Variants in BMERB1 observed in about 807,000 individuals in gnomAD.
The protein encoded by BMERB1 is bMERB domain containing 1.
Under a neutral mutation model 23.6 loss-of-function variants are expected in BMERB1, and 12 were observed. That is an observed-to-expected ratio of 0.51 (90% CI 0.33 to 0.82). The LOEUF is 0.82. BMERB1 is among the 40% of genes least tolerant of loss of function. The pLI, the probability that BMERB1 is intolerant of heterozygous loss-of-function variation, is 0.03. For synonymous variants in BMERB1, 122 were observed against 96.6 expected (o/e 1.26, Z -1.54); for missense variants, 247 against 255.4 (o/e 0.97, Z 0.22).
intron 2 of BMERB1, among the ~76,000 whole-genome samples, chr16:15,542,927 C>G (rs1302932252): frequency 6.6e-6 from 1 of 152,086 alleles, no homozygotes; most frequent in Non-Finnish European, 1.5e-5. Flanking sequence ...AATTAATACT[C>G]TTTTAGCAGT....
chr16:15,438,735 C>T (rs2050910574), intron 1 of BMERB1, among the ~76,000 whole-genome samples: 1 of 152,198 alleles, frequency 6.6e-6, no homozygotes, highest in African/African-American at 2.4e-5. Context: ...GCCGTGATTA[C>T]AGATGTGAGC....
intron 2 of BMERB1, among the ~76,000 whole-genome samples, chr16:15,540,189 G>A (rs1231229213): frequency 6.6e-6 from 1 of 151,850 alleles, no homozygotes; most frequent in Non-Finnish European, 1.5e-5. Flanking sequence ...AACAATATTA[G>A]GTTTGCATTT....
intron 3 of BMERB1, among the ~76,000 whole-genome samples, chr16:15,573,212 T>C (rs759725552): frequency 6.6e-6 from 1 of 152,192 alleles, no homozygotes; most frequent in Non-Finnish European, 1.5e-5. Flanking sequence ...AGCTAATGCT[T>C]CAAGCCTGAC....
chr16:15,509,415 C>T (rs2051633059), intron 1 of BMERB1, among the ~76,000 whole-genome samples: 1 of 152,076 alleles, frequency 6.6e-6, no homozygotes, highest in Non-Finnish European at 1.5e-5. Context: ...GAACAAGTCA[C>T]TTTCCTTCTC....
chr16:15,482,540 C>T (rs1320960143), intron 1 of BMERB1, among the ~76,000 whole-genome samples: 1 of 152,060 alleles, frequency 6.6e-6, no homozygotes, highest in Admixed American at 6.6e-5. Context: ...CAGCTGGTTA[C>T]TTTCCATGCA....
At chr16:15,520,689 G>A (rs562566082) in intron 2 of BMERB1, among the ~76,000 whole-genome samples, 2 of 151,926 alleles carry the variant, frequency 1.3e-5, no homozygotes, top group African/African-American at 2.4e-5. Context: ...GGGTTTCACC[G>A]TGTTAGCCAG....
At chr16:15,456,957 C>T (rs946344254) in intron 1 of BMERB1, among the ~76,000 whole-genome samples, 5 of 152,116 alleles carry the variant, frequency 3.3e-5, no homozygotes, top group Non-Finnish European at 5.9e-5. Flanking sequence ...TCCCGAGTAC[C>T]TGGGATTACA....
intron 1 of BMERB1, among the ~76,000 whole-genome samples, chr16:15,510,044 A>T (rs1287039479): frequency 6.6e-6 from 1 of 152,154 alleles, no homozygotes; most frequent in Non-Finnish European, 1.5e-5. Context: ...TTTTGCACCA[A>T]CCTAATACTA....
chr16:15,576,175 C>G (rs1053782863), intron 3 of BMERB1, among the ~76,000 whole-genome samples: 2 of 151,834 alleles, frequency 1.3e-5, no homozygotes, highest in Admixed American at 6.6e-5. Flanking sequence ...TCCTGAGTAG[C>G]TGGGACTACA....
At chr16:15,521,341 A>G (rs1567482847) in intron 2 of BMERB1, among the ~76,000 whole-genome samples, 1 of 152,212 alleles carries the variant, frequency 6.6e-6, no homozygotes, top group South Asian at 2.1e-4. Flanking sequence ...TCTGCTGGGA[A>G]TGTGCTGTAG....
intron 1 of BMERB1, among the ~76,000 whole-genome samples, chr16:15,490,439 C>T (rs2051410112): frequency 6.6e-6 from 1 of 152,196 alleles, no homozygotes; most frequent in African/African-American, 2.4e-5. Context: ...TATGCCACCA[C>T]ACCTAGCTAA....
intron 2 of BMERB1, among the ~76,000 whole-genome samples, chr16:15,564,933 C>G (rs977690937): frequency 6.6e-6 from 1 of 151,974 alleles, no homozygotes; most frequent in African/African-American, 2.4e-5. Context: ...TTTACTGGTT[C>G]AGCAAAAGCC....
At chr16:15,505,142 A>G (rs915580424) in intron 1 of BMERB1, among the ~76,000 whole-genome samples, 4 of 152,174 alleles carry the variant, frequency 2.6e-5, no homozygotes, top group African/African-American at 9.6e-5. Context: ...GTCATTTTAC[A>G]TCCTATCCAA....
At chr16:15,526,898 A>T (rs1162999849) in intron 2 of BMERB1, among the ~76,000 whole-genome samples, 1 of 144,734 alleles carries the variant, frequency 6.9e-6, no homozygotes, top group Non-Finnish European at 1.5e-5. Context: ...AAAATAATAT[A>T]ATAATAATTC....
intron 1 of BMERB1, among the ~76,000 whole-genome samples, chr16:15,496,267 T>C (rs1470773964): frequency 6.6e-6 from 1 of 152,148 alleles, no homozygotes. Flanking sequence ...ATAGTGATTA[T>C]GGTGAGGATA....
At chr16:15,568,219 A>G (rs996127405) in intron 3 of BMERB1, among the ~76,000 whole-genome samples, 163 bp downstream of exon 3, 1 of 152,216 alleles carries the variant, frequency 6.6e-6, no homozygotes, top group African/African-American at 2.4e-5. Context: ...ACCTGGGTTC[A>G]AGTCCTAGTG....
At chr16:15,513,368 C>T (rs1236155295) in intron 1 of BMERB1, among the ~76,000 whole-genome samples, 1 of 152,144 alleles carries the variant, frequency 6.6e-6, no homozygotes, top group African/African-American at 2.4e-5. Context: ...ACCGCCCCGC[C>T]TTCCATGCTG....
At chr16:15,560,153 C>T (rs1281925359) in intron 2 of BMERB1, among the ~76,000 whole-genome samples, 6 of 152,118 alleles carry the variant, frequency 3.9e-5, no homozygotes, top group African/African-American at 1.2e-4. Context: ...TGATGGAGTC[C>T]TGCAGCGTGA....
chr16:15,436,449 G>A (rs1194812998), intron 1 of BMERB1, among the ~76,000 whole-genome samples: 2 of 151,824 alleles, frequency 1.3e-5, no homozygotes, highest in Admixed American at 1.3e-4. Flanking sequence ...AGTAGAGATG[G>A]GGTTTCACCA....
Sources: allele counts gnomAD v4.1 joint callset (sites outside exome capture counted in the v4.1 genomes callset), GRCh38; gene constraint gnomAD v4.1.1; transcripts MANE v1.5; gene names NCBI Gene and HGNC (gene_info 2026-07-23, HGNC 2026-07-21).